Variants in FAM131A observed in about 807,000 individuals in gnomAD.
The protein encoded by FAM131A is family with sequence similarity 131 member A, also known as protein FAM131A.
Under a neutral mutation model 39.2 loss-of-function variants are expected in FAM131A, and 24 were observed. That is an observed-to-expected ratio of 0.61 (90% CI 0.44 to 0.86). The LOEUF (loss-of-function observed/expected upper bound fraction) is 0.86. Ranked by LOEUF, FAM131A falls within the 40% of genes least tolerant of loss-of-function variation. The probability of loss-of-function intolerance (pLI) is 0.00; values close to 1 mark genes in which losing one functional copy is unlikely to be tolerated. For missense variants in FAM131A, 373 were observed against 481.2 expected, an observed-to-expected ratio of 0.78 and a Z score of 2.10; for synonymous variants, 202 against 206.8, an observed-to-expected ratio of 0.98 and a Z score of 0.20.
chr3:184,337,406 C>T (rs933076259), upstream of FAM131A: 1 of 567,032 alleles, frequency 1.8e-6, no homozygotes, highest in African/African-American at 1.9e-5. Context: ...TTGGCACTGT[C>T]TAGGGAATGG....
intron 5 of FAM131A, among the ~76,000 whole-genome samples, chr3:184,344,147 G>A (rs549936517): frequency 6.6e-4 from 100 of 152,286 alleles, no homozygotes; most frequent in African/African-American, 1.8e-3. Context: ...CACCACGCCC[G>A]GCTAATTTTG....
chr3:184,337,568 AG>A (rs1727176370), upstream of FAM131A: 11 of 1,475,054 alleles, frequency 7.5e-6, no homozygotes, highest in Non-Finnish European at 9.2e-6. Flanking sequence ...AAACAGGAAT[AG>A]AACTGGGAGC....
chr3:184,344,362 A>T, intron 5 of FAM131A, 133 bp from the exon 6 acceptor site: 1 of 772,156 alleles, frequency 1.3e-6, no homozygotes, highest in Non-Finnish European at 2.1e-6. Context: ...AAAAGTTGTG[A>T]CTGGTTCAAG....
intron 3 of FAM131A, 78 bp downstream of exon 3, chr3:184,341,895 G>GT (rs776434165): frequency 6.5e-7 from 1 of 1,540,426 alleles, no homozygotes. Flanking sequence ...ACTGTTTCCT[G>GT]TGAGTACATG....
intron 2 of FAM131A, chr3:184,339,659 C>T (rs1231468153): frequency 1.3e-5 from 2 of 152,180 alleles, no homozygotes; most frequent in Non-Finnish European, 2.9e-5. Flanking sequence ...GGGGTTTCAC[C>T]ATGTTGGCCA....
chr3:184,337,554 G>A (rs1727174840), upstream of FAM131A: 2 of 1,399,560 alleles, frequency 1.4e-6, no homozygotes, highest in Non-Finnish European at 2.0e-6. Flanking sequence ...AGCATCCGGA[G>A]CCAAAACAGG....
chr3:184,344,416 A>G, intron 5 of FAM131A, 79 bp from the exon 6 acceptor site: 1 of 1,336,456 alleles, frequency 7.5e-7, no homozygotes, highest in Non-Finnish European at 1.0e-6. Context: ...CCAGGGGTGG[A>G]GTGGGGTGAA....
chr3:184,337,018 G>A (rs937430751), upstream of FAM131A, among the ~76,000 whole-genome samples: 3 of 152,218 alleles, frequency 2.0e-5, no homozygotes, highest in Non-Finnish European at 2.9e-5. Context: ...CACAGGCCTT[G>A]GTGTGGTTGG....
chr3:184,341,646 C>T, intron 2 of FAM131A, 78 bp from the exon 3 acceptor site: 3 of 1,238,554 alleles, frequency 2.4e-6, no homozygotes, highest in Non-Finnish European at 3.5e-6. Flanking sequence ...CTCCTCATGC[C>T]TTTGCTGGGT....
chr3:184,345,277 C>T lies in FAM131A; in HGVS notation c.*307C>T. On this transcript the variant is annotated 3_prime_UTR_variant, in exon 6 of 6. Transcript: ENST00000383847. ...TTAAAATGCCACACACACATTTCCTCCTCGGATAATGTGAACCACTAAGGG... is the reference window on the plus strand; with the variant it reads ...TTAAAATGCCACACACACATTTCCTTCTCGGATAATGTGAACCACTAAGGG... 1 of 574,644 alleles carries T rather than the reference C, an allele frequency of 1.7e-6. No homozygotes were observed. The highest frequency in any genetic ancestry group is 3.4e-5 in the Admixed American group (1 of 29,724). The allele number at this position is 574,644 out of a possible 1,614,324, so 35.6% of individuals were successfully genotyped here.
intron 5 of FAM131A, 186 bp downstream of exon 5, chr3:184,343,046 A>G (rs1727455568): frequency 2.2e-6 from 1 of 447,828 alleles, no homozygotes; most frequent in Admixed American, 3.4e-5. Context: ...AAATGAGCAG[A>G]CAGAAATGGA....
At chr3:184,336,525 G>A (rs1727109481), upstream of FAM131A, among the ~76,000 whole-genome samples, 1 of 152,188 alleles carries the variant, frequency 6.6e-6, no homozygotes, top group Admixed American at 6.5e-5. The surrounding 1 kb of genome is among the most constrained non-coding windows in gnomAD (Gnocchi z 5.5). Context: ...ACAGTCCTGG[G>A]AGTGGCCCTG....
At chr3:184,340,807 C>T (rs185431160) in intron 2 of FAM131A, 4 of 152,084 alleles carry the variant, frequency 2.6e-5, no homozygotes, top group Non-Finnish European at 4.4e-5. Flanking sequence ...AAATGGGGTA[C>T]GTTGATGGAG....
At chr3:184,343,404 T>C (rs1297546267) in intron 5 of FAM131A, among the ~76,000 whole-genome samples, 1 of 152,264 alleles carries the variant, frequency 6.6e-6, no homozygotes, top group Non-Finnish European at 1.5e-5. Flanking sequence ...GGCCAGTGCT[T>C]GCAGAGGGGA....
upstream of FAM131A, chr3:184,335,934 C>T (rs978139322): frequency 6.6e-6 from 1 of 152,282 alleles, no homozygotes; most frequent in African/African-American, 2.4e-5. Context: ...ACGTCACCGG[C>T]CCGGTTCCCT....
chr3:184,342,576 G>A lies in FAM131A; in HGVS notation c.509-168G>A, dbSNP rs1166619412. Among the ~76,000 whole-genome samples, 1 of 151,990 alleles carries A rather than the reference G, an allele frequency of 6.6e-6. No homozygotes were observed. The highest frequency in any genetic ancestry group is 2.4e-5 in the African/African-American group (1 of 41,358). ...CTGCCTCGGCCTCCCAAAGTGCTGG[G>A]ATTACAGGCATAAGCCACCACACCC... On this transcript the variant is annotated intron_variant, in intron 4 of 5. Transcript: ENST00000383847. This position sits in a 1 kb window ranked among gnomAD's most constrained non-coding sequence, Gnocchi z 4.6.
intron 2 of FAM131A, chr3:184,341,279 G>C (rs925562366): frequency 9.2e-6 from 2 of 218,162 alleles, no homozygotes; most frequent in African/African-American, 4.6e-5. Context: ...GAGAAGGTGT[G>C]GGGGTTTGGT....
At position 184,342,645 on chromosome 3, in the gene FAM131A, T is replaced by C; in HGVS notation, c.509-99T>C. 1 of 1,053,110 alleles carries C rather than the reference T, an allele frequency of 9.5e-7. No individual in the cohort carries two copies. The highest frequency in any genetic ancestry group is 1.5e-5 in the South Asian group (1 of 68,348). 65.2% of individuals were successfully genotyped at this position (1,053,110 alleles called of 1,614,324 possible). A position where few individuals can be genotyped will look rare whatever the true frequency, so the allele number is the denominator to read the frequency against. ...ATCTCCTCGGGTCTGACATGGGGGT[T>C]GGAGTCTTCCCATACCCTGTTTCTC... On this transcript the variant is annotated intron_variant, in intron 4 of 5. Transcript: ENST00000383847. This position sits in a 1 kb window ranked among gnomAD's most constrained non-coding sequence, Gnocchi z 4.6.
Position 184,345,742 on chromosome 3 carries a change from G to T in FAM131A, c.*772G>T. 1 of 596,284 alleles carries T rather than the reference G, an allele frequency of 1.7e-6. No individual in the cohort carries two copies. Among genetic ancestry groups the T allele is most frequent in the Non-Finnish European group, 3.0e-6 (1 of 337,708 alleles). 36.9% of individuals were successfully genotyped at this position (596,284 alleles called of 1,614,324 possible). A position where few individuals can be genotyped will look rare whatever the true frequency, so the allele number is the denominator to read the frequency against. ...GTGCTGGCGCCTCACAGCCAGCCGGGCTGCCCATTCACGCAGAGCTCTCTG... is the reference window on the plus strand; with the variant it reads ...GTGCTGGCGCCTCACAGCCAGCCGGTCTGCCCATTCACGCAGAGCTCTCTG... On this transcript the variant is annotated 3_prime_UTR_variant, in exon 6 of 6. Coordinates refer to ENST00000383847, the MANE Select transcript of FAM131A (RefSeq NM_144635.5).
Sources: gnomAD v4.1 joint callset for allele counts (sites outside exome capture counted in the v4.1 genomes callset) on GRCh38, gnomAD v4.1.1 for gene constraint, Gnocchi (gnomAD v3.1) non-coding constraint, MANE v1.5 for transcripts, NCBI Gene and HGNC (gene_info 2026-07-23, HGNC 2026-07-21) for gene names.